Variants in KIF3A observed in about 807,000 individuals in gnomAD.
KIF3A encodes the protein kinesin family member 3A.
In KIF3A, 27 loss-of-function variants were observed where a neutral mutation model predicts 92.6. The ratio of observed to expected loss-of-function variants is 0.29; its 90% CI spans 0.21 to 0.40. The LOEUF (loss-of-function observed/expected upper bound fraction) is 0.40, where lower values mean the gene tolerates loss of function less well. Among genes scored for constraint, KIF3A ranks in the 10% least tolerant of loss-of-function variants. The pLI is 1.00. For synonymous variants in KIF3A, 250 were observed against 275.4 expected, an observed-to-expected ratio of 0.91 and a Z score of 0.92; for missense variants, 581 against 872.6, an observed-to-expected ratio of 0.67 and a Z score of 4.21.
intron 2 of KIF3A, among the ~76,000 whole-genome samples, chr5:132,732,940 T>C (rs1052892523): frequency 1.3e-5 from 2 of 151,704 alleles, no homozygotes; most frequent in Non-Finnish European, 2.9e-5. Flanking sequence ...GAATTGCTGA[T>C]ATATGTTTAT....
intron 7 of KIF3A, 102 bp from the exon 8 acceptor site, chr5:132,716,033 C>T: frequency 2.1e-6 from 2 of 947,090 alleles, no homozygotes; most frequent in African/African-American, 1.7e-5. Flanking sequence ...CACATATGCA[C>T]CCTTGGCCTT....
chr5:132,722,527 C>G (rs142201096), intron 4 of KIF3A, among the ~76,000 whole-genome samples: 132 of 152,220 alleles, frequency 8.7e-4, no homozygotes, highest in Admixed American at 2.1e-3. Context: ...GACAGTCTCA[C>G]CCAATGAAGA....
intron 4 of KIF3A, among the ~76,000 whole-genome samples, chr5:132,724,678 G>A (rs2149914749): frequency 6.6e-6 from 1 of 150,644 alleles, no homozygotes; most frequent in South Asian, 2.1e-4. Flanking sequence ...AGCATTAGGA[G>A]ATATACCTAA....
At chr5:132,699,733 T>C (rs561384387) in intron 17 of KIF3A, among the ~76,000 whole-genome samples, 2 of 152,142 alleles carry the variant, frequency 1.3e-5, no homozygotes, top group Non-Finnish European at 2.9e-5. Context: ...TAATTTTTTT[T>C]GTATTTTTTT....
intron 15 of KIF3A, among the ~76,000 whole-genome samples, chr5:132,701,756 C>T (rs1021400611): frequency 2.0e-5 from 3 of 151,986 alleles, no homozygotes; most frequent in Non-Finnish European, 4.4e-5. Flanking sequence ...CACACACACA[C>T]AAAGAATCAG....
At chr5:132,732,548 G>A (rs1290224239) in intron 2 of KIF3A, among the ~76,000 whole-genome samples, 3 of 152,024 alleles carry the variant, frequency 2.0e-5, no homozygotes, top group East Asian at 1.9e-4. Context: ...AGGCCGAGGC[G>A]GGTGGATCAC....
chr5:132,706,276 A>G (rs182467451), intron 11 of KIF3A, among the ~76,000 whole-genome samples, 175 bp downstream of exon 11: 17 of 152,218 alleles, frequency 1.1e-4, no homozygotes, highest in Admixed American at 3.9e-4. Context: ...GAATTTAGGG[A>G]AAAAAATGAA....
At chr5:132,690,903 G>T (rs1752647391), downstream of KIF3A, among the ~76,000 whole-genome samples, 1 of 151,954 alleles carries the variant, frequency 6.6e-6, no homozygotes, top group African/African-American at 2.4e-5. Context: ...CTCCAGCCTG[G>T]GCAACAGATC....
In KIF3A at chr5:132,737,537, G is replaced by A. The variant is rs1294740099; in HGVS notation, c.-118C>T. 5.7e-6 allele frequency: 7 copies of A among 1,234,472 alleles called. No individual in the cohort carries two copies. In the East Asian group the frequency reaches 1.8e-4, roughly 31 times the overall value. The allele number at this position is 1,234,472 out of a possible 1,614,324, so 76.5% of individuals were successfully genotyped here. ...ACACCTCGTTGACGCTCTCGAGACT[G>A]CGGCTTCTCGGGCGAGAGCGCCCAG... On this transcript the variant is annotated 5_prime_UTR_variant, in exon 1 of 19. Transcript: ENST00000403231.
At chr5:132,714,464 A>G (rs1753544221) in intron 8 of KIF3A, among the ~76,000 whole-genome samples, 1 of 152,214 alleles carries the variant, frequency 6.6e-6, no homozygotes. Context: ...AATAAAATTC[A>G]GGCACTTGCT....
rs765625407 is a variant in KIF3A, at chr5:132,726,525, C to G, written c.281-27G>C. 3.7e-6 allele frequency: 6 copies of G among 1,601,452 alleles called. No individual in the cohort carries two copies. In the South Asian group the frequency reaches 4.4e-5, roughly 12 times the overall value. ...TGAAAATGATGAAGAGAATCAGTTA[C>G]TTCTTAAAGTCTAATGCTACAGAAC... is the stretch of plus-strand genomic sequence containing the variant. On this transcript the variant is annotated intron_variant, in intron 2 of 18. Transcript: ENST00000403231.
chr5:132,689,755 AG>A (rs1752619367), downstream of KIF3A: 1 of 152,236 alleles, frequency 6.6e-6, no homozygotes, highest in Non-Finnish European at 1.5e-5. Context: ...AGAGGGGCAA[AG>A]GGGGAAAAGG....
intron 2 of KIF3A, among the ~76,000 whole-genome samples, chr5:132,729,928 GA>G (rs1384469488): frequency 6.6e-6 from 1 of 151,734 alleles, no homozygotes; most frequent in Non-Finnish European, 1.5e-5. Flanking sequence ...AAAACAGAAA[GA>G]AAAATTAATA....
intron 13 of KIF3A, 81 bp downstream of exon 13, chr5:132,702,804 G>A (rs1206766592): frequency 1.6e-5 from 22 of 1,409,722 alleles, no homozygotes; most frequent in Middle Eastern, 1.8e-4. Context: ...ATTTCAATAC[G>A]ATTATAGATA....
chr5:132,696,601 C>T lies in KIF3A; in HGVS notation c.*33G>A. The T allele has an allele frequency of 7.1e-7, 1 of 1,401,252 alleles. No homozygotes were observed. Among genetic ancestry groups the T allele is most frequent in the Middle Eastern group, 1.9e-4 (1 of 5,368 alleles). 86.8% of individuals were successfully genotyped at this position (1,401,252 alleles called of 1,614,324 possible). A position where few individuals can be genotyped will look rare whatever the true frequency, so the allele number is the denominator to read the frequency against. On this transcript the variant is annotated 3_prime_UTR_variant, in exon 19 of 19. Transcript: ENST00000403231. ...ATTTTGTCCAGGCATGAGAATATCA[C>T]TAATTTTTATTGTGACTTTAAGTCT...
chr5:132,730,284 C>A, intron 2 of KIF3A, among the ~76,000 whole-genome samples: 1 of 151,450 alleles, frequency 6.6e-6, no homozygotes, highest in East Asian at 2.0e-4. Flanking sequence ...CTGGCCAATA[C>A]GGTGAAACCC....
At position 132,735,409 on chromosome 5, in the gene KIF3A, A is replaced by T. The variant is rs193277399; in HGVS notation, c.7-931T>A. Among the ~76,000 whole-genome samples the T allele has an allele frequency of 2.0e-3, 309 of 152,348 alleles. 3 individuals are homozygous for T. Among genetic ancestry groups the T allele is most frequent in the African/African-American group, 7.0e-3 (290 of 41,580 alleles). On this transcript the variant is annotated intron_variant, in intron 1 of 18. Transcript: ENST00000403231. ...ATTTTATGATTAAGAAAATATAATG[A>T]AACACAATCCTATTATTGAAGTGAA... is the stretch of plus-strand genomic sequence containing the variant.
intron 11 of KIF3A, among the ~76,000 whole-genome samples, chr5:132,705,936 T>C (rs1260984640): frequency 6.6e-6 from 1 of 152,076 alleles, no homozygotes; most frequent in Non-Finnish European, 1.5e-5. Context: ...CAATGCATGA[T>C]AAAATTCAGC....
Position 132,726,155 on chromosome 5 carries a change from C to T in KIF3A, c.483G>A (p.Leu161=). The change falls in exon 4 of 19, where the codon TTG becomes TTA. Residue 161 remains leucine, a synonymous_variant. Coordinates refer to ENST00000403231, the MANE Select transcript of KIF3A (RefSeq NM_001300791.2). Reference sequence around the variant, plus strand: ...CTAACCTTTGTGTCTGATCCTTGCCCAAAAGGTCACGAACTTCTTCATTAT... The same window carrying T: ...CTAACCTTTGTGTCTGATCCTTGCCTAAAAGGTCACGAACTTCTTCATTAT... ...EIYNEEVRDL[L]GKDQTQRLEV... is the part of the protein sequence containing the mutation. 3 of 1,611,686 alleles carry T rather than the reference C, an allele frequency of 1.9e-6. No homozygotes were observed. The highest frequency in any genetic ancestry group is 2.5e-6 in the Non-Finnish European group (3 of 1,178,922).
Sources: gnomAD v4.1 joint callset for allele counts (sites outside exome capture counted in the v4.1 genomes callset) on GRCh38, gnomAD v4.1.1 for gene constraint, MANE v1.5 for transcripts, NCBI Gene and HGNC (gene_info 2026-07-23, HGNC 2026-07-21) for gene names.